The following SORBS2 variants were observed in gnomAD, a reference collection of about 807,000 sequenced individuals.
The protein encoded by SORBS2 is sorbin and SH3 domain-containing protein 2.
Under a neutral mutation model 97.7 loss-of-function variants are expected in SORBS2, and 46 were observed. That is an observed-to-expected ratio of 0.47 (90% confidence interval 0.37 to 0.60). The LOEUF is 0.60. Among genes scored for constraint, SORBS2 ranks in the 20% least tolerant of loss-of-function variants. The probability of loss-of-function intolerance (pLI) is 0.00; values close to 1 mark genes in which losing one functional copy is unlikely to be tolerated. For synonymous variants in SORBS2, 476 were observed against 473.4 expected, an observed-to-expected ratio of 1.01 and a Z score of -0.07; for missense variants, 1,316 against 1,282.3, an observed-to-expected ratio of 1.03 and a Z score of -0.40.
At chr4:185,927,275 T>C (rs956871734) in intron 1 of SORBS2, among the ~76,000 whole-genome samples, 2 of 151,694 alleles carry the variant, frequency 1.3e-5, no homozygotes, top group African/African-American at 4.8e-5. Flanking sequence ...TCCTTTTTTT[T>C]ATTTTTTATT....
chr4:185,701,811 C>A (rs1464024460), intron 2 of SORBS2, among the ~76,000 whole-genome samples: 4 of 150,386 alleles, frequency 2.7e-5, no homozygotes, highest in African/African-American at 9.8e-5. Context: ...TGCTCTGTTG[C>A]CAGGCTGGAG....
At chr4:185,591,596 G>A (rs1230040973) in intron 13 of SORBS2, among the ~76,000 whole-genome samples, 4 of 152,170 alleles carry the variant, frequency 2.6e-5, no homozygotes, top group African/African-American at 9.7e-5. Context: ...AAAGTTCACG[G>A]TCCCTTTTCC....
chr4:185,880,195 C>T (rs1360067476), intron 1 of SORBS2, among the ~76,000 whole-genome samples: 1 of 152,162 alleles, frequency 6.6e-6, no homozygotes, highest in Non-Finnish European at 1.5e-5. Flanking sequence ...CTCTCAGAGC[C>T]GTCTGTCTTA....
chr4:185,769,793 T>C (rs928848057), intron 2 of SORBS2, among the ~76,000 whole-genome samples: 1 of 152,226 alleles, frequency 6.6e-6, no homozygotes, highest in South Asian at 2.1e-4. Context: ...CCCAGCCTAA[T>C]ACTACTATTT....
Position 185,596,485 on chromosome 4 carries a change from C to A in SORBS2, c.2797-2550G>T, listed in dbSNP as rs538751315. On this transcript the variant is annotated intron_variant, in intron 12 of 14. Coordinates refer to ENST00000418609, the Ensembl canonical transcript of SORBS2. ...AGCTTCCTGGATCCCACGTCCATGGCTGGAGAACGTATGTTCCTGTGTGGG... is the reference window on the plus strand; with the variant it reads ...AGCTTCCTGGATCCCACGTCCATGGATGGAGAACGTATGTTCCTGTGTGGG... Among the ~76,000 whole-genome samples the A allele has an allele frequency of 7.4e-5, 11 of 148,702 alleles. No individual in the cohort carries two copies. The South Asian group carries it at 2.4e-3, about 32-fold the overall frequency.
chr4:185,827,771 C>CCAT (rs2099202326), intron 1 of SORBS2, among the ~76,000 whole-genome samples: 1 of 47,854 alleles, frequency 2.1e-5, no homozygotes, highest in African/African-American at 7.7e-5. Flanking sequence ...ATCATCATCA[C>CCAT]CATCACCATC....
chr4:185,709,990 T>C (rs2098403904), intron 2 of SORBS2: 1 of 152,146 alleles, frequency 6.6e-6, no homozygotes, highest in African/African-American at 2.4e-5. Flanking sequence ...CTGGCTACAT[T>C]GGTAAGTATG....
intron 1 of SORBS2, among the ~76,000 whole-genome samples, chr4:185,916,008 T>C (rs2099257958): frequency 6.6e-6 from 1 of 152,170 alleles, no homozygotes; most frequent in South Asian, 2.1e-4. Flanking sequence ...CTGTATGAAC[T>C]TGTATAGGAA....
At chr4:185,717,934 G>A (rs535964149) in intron 2 of SORBS2, among the ~76,000 whole-genome samples, 2 of 152,294 alleles carry the variant, frequency 1.3e-5, no homozygotes, top group East Asian at 3.9e-4. Context: ...ATCACCGTGA[G>A]AATGGAATGA....
intron 1 of SORBS2, among the ~76,000 whole-genome samples, chr4:185,793,879 T>C (rs1377590517): frequency 6.6e-6 from 1 of 152,070 alleles, no homozygotes; most frequent in Non-Finnish European, 1.5e-5. Flanking sequence ...AGATATGGAG[T>C]CACATGGCAG....
chr4:185,615,060 C>T (rs760503524), exon 10 of SORBS2: 28 of 1,613,576 alleles, frequency 1.7e-5, no homozygotes, highest in South Asian at 8.8e-5. Context: ...CGTATGAGAT[C>T]GGGAAGATGC....
At chr4:185,642,081 T>C (rs1346682211) in intron 4 of SORBS2, among the ~76,000 whole-genome samples, 1 of 152,164 alleles carries the variant, frequency 6.6e-6, no homozygotes, top group Non-Finnish European at 1.5e-5. Context: ...TTTAATGACA[T>C]TGACTACCGT....
At chr4:185,767,303 C>G (rs549460132) in intron 2 of SORBS2, among the ~76,000 whole-genome samples, 1,506 of 138,894 alleles carry the variant, frequency 0.011, 21 homozygotes, top group Non-Finnish European at 0.018. Flanking sequence ...TCGAGACCAG[C>G]CTGGCTAACA....
chr4:185,934,825 C>T (rs922830539), intron 1 of SORBS2, among the ~76,000 whole-genome samples: 1 of 151,354 alleles, frequency 6.6e-6, no homozygotes, highest in Non-Finnish European at 1.5e-5. Context: ...CAGTTGCTGA[C>T]ATTCAACTCT....
chr4:185,794,130 A>G (rs1413645634), intron 1 of SORBS2, among the ~76,000 whole-genome samples: 1 of 152,258 alleles, frequency 6.6e-6, no homozygotes, highest in Non-Finnish European at 1.5e-5. Context: ...GTGACCAAAC[A>G]TTGGTGACAT....
chr4:185,605,787 G>A (rs2096403968), intron 12 of SORBS2, among the ~76,000 whole-genome samples: 1 of 152,208 alleles, frequency 6.6e-6, no homozygotes, highest in South Asian at 2.1e-4. Flanking sequence ...GTTTCACCAT[G>A]TTGGCCAGGC....
intron 1 of SORBS2, among the ~76,000 whole-genome samples, chr4:185,895,757 G>T (rs1478007851): frequency 6.6e-6 from 1 of 152,240 alleles, no homozygotes; most frequent in Admixed American, 6.5e-5. Flanking sequence ...TTGTCACACT[G>T]TAACATTAAC....
intron 3 of SORBS2, 124 bp from the exon 7 acceptor site, chr4:185,678,671 T>C: frequency 8.3e-7 from 1 of 1,198,388 alleles, no homozygotes; most frequent in Non-Finnish European, 1.2e-6. Flanking sequence ...TTACTAGAGG[T>C]TTAATTTAAT....
Position 185,677,439 on chromosome 4 carries a change from G to C in SORBS2, c.-46+984C>G, listed in dbSNP as rs371830607. 1,891 of 1,552,182 alleles carry C rather than the reference G, an allele frequency of 1.2e-3. 39 individuals carry two copies. In the South Asian group the frequency reaches 0.021, roughly 18 times the overall value. ...TTGTGTATATGACATGGTTGTGTTA[G>C]ATTCTTCAGAATATACAATTGTCTG... On this transcript the variant is annotated intron_variant, in intron 4 of 20. Transcript: ENST00000284776.
Sources: gnomAD v4.1 joint callset for allele counts (sites outside exome capture counted in the v4.1 genomes callset) on GRCh38, gnomAD v4.1.1 for gene constraint, MANE v1.5 for transcripts, NCBI Gene and HGNC (gene_info 2026-07-23, HGNC 2026-07-21) for gene names.